C12orf56: variants seen among roughly 807,000 people sequenced by gnomAD.
C12orf56 encodes the protein chromosome 12 open reading frame 56, also known as uncharacterized protein C12orf56.
In C12orf56, 71 loss-of-function variants were observed where a neutral mutation model predicts 69.9. The observed-to-expected ratio is 1.02, with a 90% confidence interval of 0.84 to 1.24. The LOEUF (loss-of-function observed/expected upper bound fraction) is 1.24. C12orf56 is among the 50% of genes most tolerant of loss of function. The probability of loss-of-function intolerance (pLI) is 0.00; values close to 1 mark genes in which losing one functional copy is unlikely to be tolerated. For missense variants in C12orf56, 732 were observed against 738.5 expected, an observed-to-expected ratio of 0.99 and a Z score of 0.10; for synonymous variants, 276 against 274.1, an observed-to-expected ratio of 1.01 and a Z score of -0.07.
At chr12:64,344,995 T>C (rs2039121629) in intron 2 of C12orf56, among the ~76,000 whole-genome samples, 1 of 152,112 alleles carries the variant, frequency 6.6e-6, no homozygotes, top group Non-Finnish European at 1.5e-5. Context: ...GCCAAATCAA[T>C]AAATTCAGCC....
intron 1 of C12orf56, among the ~76,000 whole-genome samples, chr12:64,378,489 A>G (rs756202237): frequency 3.3e-5 from 5 of 151,948 alleles, no homozygotes; most frequent in Non-Finnish European, 7.4e-5. Flanking sequence ...GCTGGAGTAC[A>G]GTGGCACAAT....
intron 4 of C12orf56, among the ~76,000 whole-genome samples, chr12:64,314,643 CTTT>C (rs151154285): frequency 1.4e-5 from 2 of 144,268 alleles, no homozygotes; most frequent in Non-Finnish European, 1.5e-5. Flanking sequence ...TGCAGACAAG[CTTT>C]TTTTTTTTTT....
chr12:64,297,159 C>T (rs1309329614), intron 6 of C12orf56, among the ~76,000 whole-genome samples: 3 of 152,080 alleles, frequency 2.0e-5, no homozygotes, highest in African/African-American at 7.2e-5. Context: ...AAAACCACTG[C>T]TTTAGCTTAA....
At chr12:64,294,240 G>A (rs1303013564) in intron 6 of C12orf56, among the ~76,000 whole-genome samples, 1 of 152,050 alleles carries the variant, frequency 6.6e-6, no homozygotes, top group Admixed American at 6.6e-5. Context: ...GTTGGTGGAA[G>A]TAGAAAATAG....
At chr12:64,270,273 C>T (rs1049149949) in intron 12 of C12orf56, among the ~76,000 whole-genome samples, 8 of 151,640 alleles carry the variant, frequency 5.3e-5, no homozygotes, top group Non-Finnish European at 1.0e-4. Flanking sequence ...TGGTGGCGGG[C>T]GCCTGTAATC....
chr12:64,301,021 C>T (rs2038438097), intron 6 of C12orf56, among the ~76,000 whole-genome samples: 1 of 152,180 alleles, frequency 6.6e-6, no homozygotes, highest in African/African-American at 2.4e-5. Flanking sequence ...GTTTCCCCTG[C>T]ACATTCTCTC....
In C12orf56 at chr12:64,318,574, CTATAA is replaced by C. The variant is rs1315610501; in HGVS notation, c.890_894del (p.Ile297LysfsTer12). On this transcript the variant is annotated frameshift_variant and splice_region_variant, in exon 4 of 13. Transcript: ENST00000543942. LOFTEE classifies it high-confidence loss of function. Reference sequence around the variant, plus strand: ...TAAGGTTAACTTAGGAGGACACTTACTATAATATAATTGTTCCATGAACTTTTTAA... The same window carrying C: ...TAAGGTTAACTTAGGAGGACACTTACTATAATTGTTCCATGAACTTTTTAA... The C allele has an allele frequency of 6.6e-7, 1 of 1,525,894 alleles. No individual in the cohort carries two copies. The highest frequency in any genetic ancestry group is 1.4e-5 in the African/African-American group (1 of 72,422). The allele number at this position is 1,525,894 out of a possible 1,614,324, so 94.5% of individuals were successfully genotyped here. A position where few individuals can be genotyped will look rare whatever the true frequency, so the allele number is the denominator to read the frequency against.
chr12:64,388,794 C>T (rs902193898), intron 1 of C12orf56, among the ~76,000 whole-genome samples: 5 of 152,230 alleles, frequency 3.3e-5, no homozygotes, highest in Non-Finnish European at 5.9e-5. Flanking sequence ...GAGGCTGAGG[C>T]GGCAGTGAGC....
At chr12:64,386,769 G>A (rs919807617) in intron 1 of C12orf56, among the ~76,000 whole-genome samples, 1 of 151,840 alleles carries the variant, frequency 6.6e-6, no homozygotes. Context: ...GACCTCAGGT[G>A]ATCTGCCCGC....
Position 64,356,664 on chromosome 12 carries a change from A to C in C12orf56, c.253-3608T>G, listed in dbSNP as rs79070728. Reference sequence around the variant, plus strand: ...CAGGTGACCAGGGGTGACTCAGGTCAAAGCAGGTGACCAGGGGAACAGATG... The same window carrying C: ...CAGGTGACCAGGGGTGACTCAGGTCCAAGCAGGTGACCAGGGGAACAGATG... On this transcript the variant is annotated intron_variant, in intron 1 of 12. Coordinates refer to ENST00000543942, the MANE Select transcript of C12orf56 (RefSeq NM_001170633.2). 2.0e-5 allele frequency among the ~76,000 whole-genome samples: 3 copies of C among 152,340 alleles called. No homozygotes were observed. In the East Asian group the frequency reaches 5.8e-4, roughly 29 times the overall value.
At chr12:64,327,394 G>A (rs887408870) in intron 3 of C12orf56, among the ~76,000 whole-genome samples, 1 of 152,122 alleles carries the variant, frequency 6.6e-6, no homozygotes. Context: ...AAAATGCATG[G>A]TAACCATGGC....
chr12:64,338,663 T>TTCCCA (rs2039030444), intron 2 of C12orf56: 1 of 1,581,940 alleles, frequency 6.3e-7, no homozygotes, highest in Non-Finnish European at 8.7e-7. Context: ...TTGCACAAAC[T>TTCCCA]GACCTTTCTC....
chr12:64,270,541 T>A lies in C12orf56; in HGVS notation c.1758A>T (p.Glu586Asp). The change falls in exon 12 of 13, where the codon GAA becomes GAT. Residue 586 changes from glutamate to aspartate, a missense_variant. Coordinates refer to ENST00000543942, the MANE Select transcript of C12orf56 (RefSeq NM_001170633.2). ...ATTCAGACATTTTTTCTTACCTGAA[T>A]TCTTCTCTGTAGTTATTCCTAATAT... ...AEYIRNNYRE[E>D]FRYFIHMPAL... The A allele has an allele frequency of 6.4e-7, 1 of 1,551,874 alleles. No individual in the cohort carries two copies. Among genetic ancestry groups the A allele is most frequent in the Non-Finnish European group, 8.7e-7 (1 of 1,152,326 alleles).
intron 1 of C12orf56, among the ~76,000 whole-genome samples, chr12:64,388,239 C>T (rs992165279): frequency 2.0e-5 from 3 of 151,426 alleles, no homozygotes; most frequent in African/African-American, 7.3e-5. Flanking sequence ...TGCCTGGCCC[C>T]TTTTAAAGTG....
chr12:64,345,218 G>A (rs941899805), intron 2 of C12orf56, among the ~76,000 whole-genome samples: 3 of 152,116 alleles, frequency 2.0e-5, no homozygotes, highest in Non-Finnish European at 4.4e-5. Context: ...TTGGGGGGTG[G>A]GTCCTGAGGA....
chr12:64,308,940 G>GAAAGAAAGAAAGAAAAAAGA (rs35488127), intron 5 of C12orf56, among the ~76,000 whole-genome samples: 7 of 80,878 alleles, frequency 8.7e-5, no homozygotes, highest in African/African-American at 1.4e-4. Flanking sequence ...AAGAAAGAAA[G>GAAAGAAAGAAAGAAAAAAGA]AAGAAAGAAA....
chr12:64,360,653 G>A (rs1401612293), intron 1 of C12orf56, among the ~76,000 whole-genome samples: 1 of 152,114 alleles, frequency 6.6e-6, no homozygotes, highest in African/African-American at 2.4e-5. Context: ...AGCTTATTTA[G>A]GTTGAAAATA....
In C12orf56 at chr12:64,353,177, A is replaced by G. The variant is rs1299312640; in HGVS notation, c.253-121T>C. 1.1e-5 allele frequency: 10 copies of G among 946,602 alleles called. No homozygotes were observed. In the Admixed American group the frequency reaches 1.4e-4, roughly 13 times the overall value. The allele number at this position is 946,602 out of a possible 1,614,324, so 58.6% of individuals were successfully genotyped here. On this transcript the variant is annotated intron_variant, in intron 1 of 12. Coordinates refer to ENST00000543942, the MANE Select transcript of C12orf56 (RefSeq NM_001170633.2). ...TTTCCACATATATATATATTTTTCAAAACGGAGTCTCACCCTGACACCCAG... is the reference window on the plus strand; with the variant it reads ...TTTCCACATATATATATATTTTTCAGAACGGAGTCTCACCCTGACACCCAG...
At chr12:64,386,392 A>ATT in intron 1 of C12orf56, among the ~76,000 whole-genome samples, 2 of 76,298 alleles carry the variant, frequency 2.6e-5, no homozygotes, top group African/African-American at 1.2e-4. Context: ...TTTTATATAT[A>ATT]TATATATTTT....
Sources: allele counts gnomAD v4.1 joint callset (sites outside exome capture counted in the v4.1 genomes callset), GRCh38; gene constraint gnomAD v4.1.1; transcripts MANE v1.5; gene names NCBI Gene and HGNC (gene_info 2026-07-23, HGNC 2026-07-21).